Variants in DCTN4 observed in about 807,000 individuals in gnomAD.
DCTN4 encodes dynactin 4 (p62).
In DCTN4, 23 loss-of-function variants were observed where a neutral mutation model predicts 62.7. The ratio of observed to expected loss-of-function variants is 0.37; its 90% CI spans 0.26 to 0.52. The LOEUF is 0.52. Ranked by LOEUF, DCTN4 falls within the 20% of genes least tolerant of loss-of-function variation. The pLI, the probability that DCTN4 is intolerant of heterozygous loss-of-function variation, is 0.92. For missense variants in DCTN4, 514 were observed against 580.4 expected (o/e 0.89, Z 1.18); for synonymous variants, 199 against 202.1 (o/e 0.98, Z 0.13).
At chr5:150,755,226 G>C (rs1467830978) in intron 2 of DCTN4, among the ~76,000 whole-genome samples, 4 of 152,180 alleles carry the variant, frequency 2.6e-5, no homozygotes, top group African/African-American at 9.7e-5. Context: ...CTATAAGTAA[G>C]TGATTTAAAA....
chr5:150,715,647 T>C lies in DCTN4; in HGVS notation c.1087A>G (p.Lys363Glu), dbSNP rs1166453955. Reference sequence around the variant, plus strand: ...TCCTTGCCAGCTAAAACGAGCTCTTTGGGAGGCACCACCACCTGGAGAGCA... The same window carrying C: ...TCCTTGCCAGCTAAAACGAGCTCTTCGGGAGGCACCACCACCTGGAGAGCA... ...NSTAKVVVPP[K>E]ELVLAGKDAA... Residue 363 changes from lysine to glutamate, a missense_variant, in exon 12 of 13, where the codon AAA (lysine) becomes GAA (glutamate). Physicochemically the swap from Lys to Glu is moderately conservative, Grantham distance 56. Transcript: ENST00000447998. 1 of 1,614,022 alleles carries C rather than the reference T, an allele frequency of 6.2e-7. No homozygotes were observed. Among genetic ancestry groups the C allele is most frequent in the African/African-American group, 1.3e-5 (1 of 74,908 alleles).
chr5:150,731,523 C>T (rs1760369749), intron 5 of DCTN4, 34 bp from the exon 6 acceptor site: 1 of 1,561,908 alleles, frequency 6.4e-7, no homozygotes, highest in Admixed American at 1.7e-5. Context: ...ATTAGAAAGT[C>T]CACTTTTACA....
chr5:150,731,479 C>T lies in DCTN4; in HGVS notation c.548G>A (p.Gly183Asp), dbSNP rs1760367906. ...YMPLAFSDKY[G>D]LGTRLQRPRA... The stretch of plus-strand genomic sequence containing the variant: ...TGGTCGCTGAAGCCTGGTTCCAAGA[C>T]CATATTTGTCCTAAACAAAGTTCAG... The change falls in exon 6 of 13, where the codon GGT (glycine) becomes GAT (aspartate). Residue 183 changes from glycine to aspartate, a missense_variant. Physicochemically the swap from Gly to Asp is moderately conservative, Grantham distance 94. Transcript: ENST00000447998. 6.2e-7 allele frequency: 1 copy of T among 1,613,122 alleles called. No individual in the cohort carries two copies. Among genetic ancestry groups the T allele is most frequent in the South Asian group, 1.1e-5 (1 of 91,026 alleles).
intron 8 of DCTN4, among the ~76,000 whole-genome samples, 176 bp downstream of exon 8, chr5:150,730,455 G>T (rs776667494): frequency 1.3e-5 from 2 of 152,222 alleles, no homozygotes; most frequent in South Asian, 4.1e-4. Flanking sequence ...TCACAGAGTT[G>T]TAAGAGCTGT....
chr5:150,747,647 C>T (rs1752507394), intron 3 of DCTN4, among the ~76,000 whole-genome samples: 3 of 151,712 alleles, frequency 2.0e-5, no homozygotes, highest in South Asian at 2.1e-4. Context: ...ATATCTACAA[C>T]TATCTGATCT....
chr5:150,744,238 G>GA (rs199929947), intron 3 of DCTN4, among the ~76,000 whole-genome samples: 22,635 of 151,610 alleles, frequency 0.15, 3,038 homozygotes, highest in African/African-American at 0.36. Context: ...GAAGTTTAGA[G>GA]AAAAAAGAAT....
intron 4 of DCTN4, among the ~76,000 whole-genome samples, chr5:150,739,483 A>G (rs1202010076): frequency 6.6e-6 from 1 of 152,212 alleles, no homozygotes; most frequent in Non-Finnish European, 1.5e-5. Context: ...TAGAATAAAT[A>G]CTGTGAAAAT....
intron 12 of DCTN4, 35 bp from the exon 13 acceptor site, chr5:150,711,397 TAAAA>T: frequency 6.4e-7 from 1 of 1,567,142 alleles, no homozygotes; most frequent in Non-Finnish European, 8.7e-7. Context: ...ATTAGGTAGA[TAAAA>T]AAATCAGCCA....
At chr5:150,730,432 A>G (rs760873431) in intron 8 of DCTN4, among the ~76,000 whole-genome samples, 199 bp downstream of exon 8, 4 of 152,264 alleles carry the variant, frequency 2.6e-5, no homozygotes, top group Non-Finnish European at 5.9e-5. Context: ...CAGGTTTAAC[A>G]GTAGTACCTA....
chr5:150,758,674 C>T, intron 1 of DCTN4, 185 bp downstream of exon 1: 1 of 1,290,268 alleles, frequency 7.8e-7, no homozygotes, highest in South Asian at 1.4e-5. Context: ...TCAGTCCCAC[C>T]CGAGGCTGCT....
intron 1 of DCTN4, 171 bp downstream of exon 1, chr5:150,758,688 C>G: frequency 7.6e-7 from 1 of 1,316,484 alleles, no homozygotes; most frequent in Non-Finnish European, 1.0e-6. Flanking sequence ...GGCTGCTCCT[C>G]CTTTCCAAGT....
rs749545983 is a variant in DCTN4 at position 150,733,416 on chromosome 5, A to G, written c.489T>C (p.Asp163=). Residue 163 remains aspartate (D), a synonymous_variant, in exon 5 of 13, where the codon GAT becomes GAC. Coordinates refer to ENST00000447998, the MANE Select transcript of DCTN4 (RefSeq NM_016221.4). ...QLAQKEKVER[D]RKKLARRRNY... is the part of the protein sequence containing the mutation. Reference sequence around the variant, plus strand: ...TTCTACGTCGTGCCAGTTTCTTGCGATCTCGCTCAACCTTCTCTTTCTGAG... The same window carrying G: ...TTCTACGTCGTGCCAGTTTCTTGCGGTCTCGCTCAACCTTCTCTTTCTGAG... The G allele has an allele frequency of 6.2e-7, 1 of 1,614,138 alleles. No homozygotes were observed. The highest frequency in any genetic ancestry group is 8.5e-7 in the Non-Finnish European group (1 of 1,180,014).
At chr5:150,746,443 C>T (rs57534012) in intron 3 of DCTN4, among the ~76,000 whole-genome samples, 7,620 of 152,020 alleles carry the variant, frequency 0.05, 616 homozygotes, top group African/African-American at 0.17. Context: ...TTTTATGAGG[C>T]CAGCATCATC....
chr5:150,729,337 T>C (rs1760273439), intron 8 of DCTN4, among the ~76,000 whole-genome samples: 1 of 152,096 alleles, frequency 6.6e-6, no homozygotes. Context: ...CTTCAACGAT[T>C]ATCAACTTCG....
Position 150,711,358 on chromosome 5 carries a change from T to G in DCTN4, c.1174A>C (p.Ile392Leu), listed in dbSNP as rs201651113. 20 of 1,612,486 alleles carry G rather than the reference T, an allele frequency of 1.2e-5. No homozygotes were observed. Among genetic ancestry groups the G allele is most frequent in the Non-Finnish European group, 5.1e-6 (6 of 1,179,674 alleles). ...ACTTTGTTGGCCTTTCTGAAGGCTA[T>G]AATGCTATGGAAAGAAAAAAAAGCA... is the stretch of plus-strand genomic sequence containing the variant. ...PQDFQDDPDIIAFRKANKVGI... is the reference protein window; with the variant it reads ...PQDFQDDPDILAFRKANKVGI... The change falls in exon 13 of 13, where the codon ATA becomes CTA. Residue 392 changes from isoleucine (I) to leucine (L), a missense_variant. Ile to Leu is a conservative substitution (Grantham distance 5, BLOSUM62 2). Transcript: ENST00000447998.
At chr5:150,721,310 T>C (rs901974217) in intron 9 of DCTN4, among the ~76,000 whole-genome samples, 5 of 152,266 alleles carry the variant, frequency 3.3e-5, no homozygotes, top group Non-Finnish European at 7.3e-5. Flanking sequence ...TGATTAACTT[T>C]TGGTTAAACT....
intron 11 of DCTN4, among the ~76,000 whole-genome samples, chr5:150,716,094 C>T (rs982175142): frequency 5.9e-5 from 9 of 152,014 alleles, no homozygotes; most frequent in South Asian, 4.2e-4. Context: ...TTAGTAGAGA[C>T]GGGGTTTCAC....
At chr5:150,730,459 G>C (rs1013415640) in intron 8 of DCTN4, among the ~76,000 whole-genome samples, 172 bp downstream of exon 8, 1 of 152,216 alleles carries the variant, frequency 6.6e-6, no homozygotes, top group African/African-American at 2.4e-5. Flanking sequence ...AGAGTTGTAA[G>C]AGCTGTTTAT....
chr5:150,747,022 T>G (rs1000180638), intron 3 of DCTN4, among the ~76,000 whole-genome samples: 1 of 152,108 alleles, frequency 6.6e-6, no homozygotes. Flanking sequence ...GATGACATGA[T>G]TGTATATCTA....
Sources: gnomAD v4.1 joint callset for allele counts (sites outside exome capture counted in the v4.1 genomes callset) on GRCh38, gnomAD v4.1.1 for gene constraint, MANE v1.5 for transcripts, NCBI Gene and HGNC (gene_info 2026-07-23, HGNC 2026-07-21) for gene names.